CSNK2A2IP: variants seen among roughly 807,000 people sequenced by gnomAD.
CSNK2A2IP encodes the protein casein kinase 2 subunit alpha' interacting protein, also known as casein kinase II subunit alpha'-interacting protein.
At chr3:88,445,986 CTTT>C in the CSNK2A2IP span, among the ~76,000 whole-genome samples, 1 of 136,366 alleles carries the variant, frequency 7.3e-6, no homozygotes, top group Non-Finnish European at 1.6e-5. Context: ...CTCTTTCTTT[CTTT>C]TTTCTTTCTT....
the CSNK2A2IP span, among the ~76,000 whole-genome samples, chr3:88,384,332 T>C: frequency 6.6e-6 from 1 of 150,612 alleles, no homozygotes; most frequent in African/African-American, 2.4e-5. Context: ...TCTTTCTCCC[T>C]CTCTCTCTCT....
the CSNK2A2IP span, among the ~76,000 whole-genome samples, chr3:88,410,148 G>A: frequency 1.3e-5 from 2 of 151,904 alleles, no homozygotes; most frequent in African/African-American, 4.8e-5. Flanking sequence ...TATTTTACAG[G>A]AAAATGTGGC....
At chr3:88,429,182 C>T in the CSNK2A2IP span, among the ~76,000 whole-genome samples, 188 of 151,888 alleles carry the variant, frequency 1.2e-3, 1 homozygote, top group African/African-American at 4.4e-3. Flanking sequence ...AGAAGGTTTC[C>T]AGCATTTCCA....
At chr3:88,376,357 T>C in the CSNK2A2IP span, among the ~76,000 whole-genome samples, 2 of 151,740 alleles carry the variant, frequency 1.3e-5, no homozygotes, top group African/African-American at 2.4e-5. Flanking sequence ...TCAGCAAATA[T>C]ATTTTTTTTT....
chr3:88,438,116 G>T, the CSNK2A2IP span, among the ~76,000 whole-genome samples: 1 of 129,322 alleles, frequency 7.7e-6, no homozygotes, highest in Non-Finnish European at 1.9e-5. Flanking sequence ...AAATCATACT[G>T]TAAATTTACA....
At chr3:88,424,185 G>C in the CSNK2A2IP span, among the ~76,000 whole-genome samples, 2 of 152,068 alleles carry the variant, frequency 1.3e-5, no homozygotes, top group African/African-American at 2.4e-5. Flanking sequence ...ATAAACATCT[G>C]TCTGCTAATT....
At chr3:88,395,287 T>G in the CSNK2A2IP span, among the ~76,000 whole-genome samples, 1 of 152,204 alleles carries the variant, frequency 6.6e-6, no homozygotes, top group Non-Finnish European at 1.5e-5. Flanking sequence ...CCTTTTTTTC[T>G]AAAAGTTTAT....
At chr3:88,440,658 G>A in the CSNK2A2IP span, among the ~76,000 whole-genome samples, 1 of 152,246 alleles carries the variant, frequency 6.6e-6, no homozygotes, top group Non-Finnish European at 1.5e-5. Context: ...CAAATTAAAC[G>A]TTGGAATTGT....
the CSNK2A2IP span, among the ~76,000 whole-genome samples, chr3:88,383,409 T>G: frequency 2.0e-5 from 3 of 152,156 alleles, no homozygotes; most frequent in African/African-American, 7.2e-5. Context: ...AATGCACACT[T>G]CACAGTGATG....
the CSNK2A2IP span, among the ~76,000 whole-genome samples, chr3:88,406,362 A>G: frequency 6.6e-6 from 1 of 152,230 alleles, no homozygotes; most frequent in Admixed American, 6.5e-5. Flanking sequence ...CAATTCAGTT[A>G]TATTTTTAGG....
chr3:88,449,709 A>G, the CSNK2A2IP span, among the ~76,000 whole-genome samples: 3 of 146,388 alleles, frequency 2.0e-5, no homozygotes, highest in African/African-American at 7.6e-5. Context: ...GAAATCAACC[A>G]CACTCCACAC....
the CSNK2A2IP span, among the ~76,000 whole-genome samples, chr3:88,364,031 A>G: frequency 2.0e-5 from 3 of 152,016 alleles, no homozygotes; most frequent in African/African-American, 4.8e-5. Context: ...CTTCTTTGAT[A>G]GTCTGTCTTT....
At chr3:88,427,561 C>T in the CSNK2A2IP span, among the ~76,000 whole-genome samples, 5 of 152,260 alleles carry the variant, frequency 3.3e-5, no homozygotes, top group Admixed American at 1.3e-4. Flanking sequence ...GTGGGCCATG[C>T]TCAGTGCACT....
the CSNK2A2IP span, among the ~76,000 whole-genome samples, chr3:88,401,716 T>C: frequency 6.6e-6 from 1 of 152,054 alleles, no homozygotes; most frequent in African/African-American, 2.4e-5. Flanking sequence ...TGGGAAGTTA[T>C]AATCTTTGCC....
the CSNK2A2IP span, among the ~76,000 whole-genome samples, chr3:88,367,211 G>T: frequency 1.3e-5 from 2 of 152,028 alleles, no homozygotes; most frequent in African/African-American, 4.8e-5. Context: ...GGACCTTCCC[G>T]ATATACACAA....
At chr3:88,442,495 T>C in the CSNK2A2IP span, among the ~76,000 whole-genome samples, 18 of 152,062 alleles carry the variant, frequency 1.2e-4, no homozygotes, top group African/African-American at 2.7e-4. Context: ...ATAACTAGAG[T>C]TGGTACTATA....
At chr3:88,401,662 C>T in the CSNK2A2IP span, among the ~76,000 whole-genome samples, 1 of 151,986 alleles carries the variant, frequency 6.6e-6, no homozygotes, top group Non-Finnish European at 1.5e-5. Flanking sequence ...ATCCTCAAAT[C>T]CTGCTGCTCT....
chr3:88,385,490 A>G, the CSNK2A2IP span, among the ~76,000 whole-genome samples: 155 of 150,378 alleles, frequency 1.0e-3, no homozygotes, highest in African/African-American at 3.4e-3. Flanking sequence ...AGATGACAGT[A>G]GTAAACAACT....
the CSNK2A2IP span, among the ~76,000 whole-genome samples, chr3:88,367,198 A>G: frequency 1.3e-5 from 2 of 152,126 alleles, no homozygotes; most frequent in African/African-American, 4.8e-5. Flanking sequence ...ATTGTTATCA[A>G]AAGGACCTTC....
Sources: allele counts gnomAD v4.1 joint callset (sites outside exome capture counted in the v4.1 genomes callset), GRCh38; gene constraint gnomAD v4.1.1; transcripts MANE v1.5; gene names NCBI Gene and HGNC (gene_info 2026-07-23, HGNC 2026-07-21).